The following CCDC91 variants were observed in gnomAD, a reference collection of about 807,000 sequenced individuals.
CCDC91 encodes coiled-coil domain-containing protein 91.
A neutral mutation model predicts 63.2 loss-of-function variants in CCDC91; 48 were observed. The ratio of observed to expected loss-of-function variants is 0.76; its 90% confidence interval spans 0.60 to 0.97. The LOEUF is 0.97. CCDC91 is among the 50% of genes least tolerant of loss of function. The probability of loss-of-function intolerance (pLI) is 0.00; values close to 1 mark genes in which losing one functional copy is unlikely to be tolerated. For missense variants in CCDC91, 500 were observed against 494.6 expected (o/e 1.01, Z -0.10); for synonymous variants, 167 against 165.8 (o/e 1.01, Z -0.06).
intron 1 of CCDC91, among the ~76,000 whole-genome samples, chr12:28,206,336 A>C (rs954876445): frequency 6.6e-6 from 1 of 152,194 alleles, no homozygotes; most frequent in Non-Finnish European, 1.5e-5. Flanking sequence ...CAGTCTCAGC[A>C]TGTCATTCAT....
intron 11 of CCDC91, among the ~76,000 whole-genome samples, chr12:28,481,965 G>A (rs2140896651): frequency 6.6e-6 from 1 of 151,876 alleles, no homozygotes; most frequent in South Asian, 2.1e-4. Flanking sequence ...TGATGCTTTT[G>A]CTTTTAGTTA....
At position 28,362,351 on chromosome 12, in the gene CCDC91, C is replaced by A. The variant is rs112851424; in HGVS notation, c.577-87C>A. On this transcript the variant is annotated intron_variant, in intron 6 of 12. Coordinates refer to ENST00000536442, the MANE Select transcript of CCDC91 (RefSeq NM_018318.5). ...ATGTGCCACAAACCACTGAATCATT[C>A]GTGGAAGCAGCAAAAGTCTATGGTT... 4 of 812,336 alleles carry A rather than the reference C, an allele frequency of 4.9e-6. 1 individual carries two copies. The highest frequency in any genetic ancestry group is 6.7e-4 in the Middle Eastern group (2 of 3,002). The allele number at this position is 812,336 out of a possible 1,614,324, so 50.3% of individuals were successfully genotyped here.
intron 6 of CCDC91, among the ~76,000 whole-genome samples, chr12:28,334,489 T>G (rs1941772673): frequency 6.6e-6 from 1 of 152,128 alleles, no homozygotes; most frequent in South Asian, 2.1e-4. Flanking sequence ...TATGGCATCC[T>G]TTGTCTTTGG....
intron 12 of CCDC91, among the ~76,000 whole-genome samples, chr12:28,525,136 G>T (rs1166814335): frequency 1.3e-5 from 2 of 151,794 alleles, no homozygotes; most frequent in Non-Finnish European, 2.9e-5. Flanking sequence ...CCTTTCTTCT[G>T]CTGGGTTTGG....
chr12:28,543,689 G>T (rs1488911147), intron 12 of CCDC91, among the ~76,000 whole-genome samples: 1 of 151,896 alleles, frequency 6.6e-6, no homozygotes, highest in Admixed American at 6.6e-5. Context: ...TTCAAGGCCT[G>T]ATATCTCCCC....
intron 3 of CCDC91, among the ~76,000 whole-genome samples, chr12:28,263,742 T>C (rs1004263526): frequency 6.6e-6 from 1 of 152,084 alleles, no homozygotes; most frequent in Non-Finnish European, 1.5e-5. Context: ...GGGTAGTGAC[T>C]GTGTTTTAAA....
intron 11 of CCDC91, among the ~76,000 whole-genome samples, chr12:28,475,191 C>G (rs1057277955): frequency 9.2e-5 from 14 of 152,074 alleles, no homozygotes; most frequent in African/African-American, 3.4e-4. Flanking sequence ...TCATTTTTAT[C>G]TGACTTGGAA....
intron 1 of CCDC91, among the ~76,000 whole-genome samples, chr12:28,194,021 T>TG (rs1941514100): frequency 6.6e-6 from 1 of 152,242 alleles, no homozygotes; most frequent in South Asian, 2.1e-4. Flanking sequence ...TAACAGTATC[T>TG]TTCAAAGAGC....
At chr12:28,451,909 A>G (rs1379858642) in intron 10 of CCDC91, among the ~76,000 whole-genome samples, 5 of 151,644 alleles carry the variant, frequency 3.3e-5, no homozygotes, top group African/African-American at 7.2e-5. Context: ...TACTTCAACT[A>G]AAAAACATCA....
intron 7 of CCDC91, among the ~76,000 whole-genome samples, chr12:28,383,790 A>G (rs941511192): frequency 2.0e-5 from 3 of 152,104 alleles, no homozygotes; most frequent in Admixed American, 1.3e-4. Flanking sequence ...ATTTTCTGAA[A>G]CGTCTAAATA....
chr12:28,308,251 G>T (rs1938952178), intron 6 of CCDC91, among the ~76,000 whole-genome samples: 1 of 151,778 alleles, frequency 6.6e-6, no homozygotes. Flanking sequence ...TGTTTCTTTA[G>T]CAGGATTTGT....
chr12:28,365,097 A>G (rs1413511756), intron 7 of CCDC91, among the ~76,000 whole-genome samples: 3 of 152,186 alleles, frequency 2.0e-5, no homozygotes, highest in Non-Finnish European at 4.4e-5. Context: ...AAAATTAAAT[A>G]TAACTTCGTA....
intron 12 of CCDC91, among the ~76,000 whole-genome samples, chr12:28,499,077 G>C (rs1031156018): frequency 1.3e-5 from 2 of 151,460 alleles, no homozygotes; most frequent in Non-Finnish European, 3.0e-5. Context: ...ATTGTGATTT[G>C]TTTCTAGCAT....
chr12:28,257,317 G>A, intron 2 of CCDC91, 72 bp downstream of exon 2: 5 of 929,732 alleles, frequency 5.4e-6, no homozygotes, highest in Non-Finnish European at 8.6e-6. Context: ...TTTTGAAAAT[G>A]TATTATATTT....
intron 1 of CCDC91, among the ~76,000 whole-genome samples, chr12:28,194,354 T>G (rs1433838073): frequency 1.3e-5 from 2 of 152,156 alleles, no homozygotes; most frequent in Non-Finnish European, 2.9e-5. Context: ...TTCCTTCCAG[T>G]GGGTTCTTGG....
chr12:28,460,264 G>A (rs893266296), intron 11 of CCDC91, among the ~76,000 whole-genome samples: 2 of 152,100 alleles, frequency 1.3e-5, no homozygotes, highest in Non-Finnish European at 2.9e-5. Flanking sequence ...CACATTGTTT[G>A]CGTACTAGAT....
intron 3 of CCDC91, among the ~76,000 whole-genome samples, chr12:28,288,077 G>A (rs1365430071): frequency 6.6e-6 from 1 of 152,068 alleles, no homozygotes; most frequent in Non-Finnish European, 1.5e-5. Context: ...CTTCACTGAA[G>A]TTACCAGCTT....
intron 7 of CCDC91, among the ~76,000 whole-genome samples, chr12:28,368,188 A>G (rs1398613466): frequency 6.6e-6 from 1 of 152,250 alleles, no homozygotes; most frequent in East Asian, 1.9e-4. Context: ...TTTTACCTAC[A>G]GAATAACAGA....
intron 3 of CCDC91, among the ~76,000 whole-genome samples, chr12:28,286,383 T>C (rs1813756124): frequency 6.6e-6 from 1 of 152,062 alleles, no homozygotes; most frequent in Non-Finnish European, 1.5e-5. Context: ...CACCTTCTGG[T>C]AGGCCCCAGT....
Sources: allele counts gnomAD v4.1 joint callset (sites outside exome capture counted in the v4.1 genomes callset), GRCh38; gene constraint gnomAD v4.1.1; transcripts MANE v1.5; gene names NCBI Gene and HGNC (gene_info 2026-07-23, HGNC 2026-07-21).